The following RHBDD1 variants were observed in gnomAD, a reference collection of about 807,000 sequenced individuals.
RHBDD1 encodes rhomboid-related protein 4.
A neutral mutation model predicts 36.3 loss-of-function variants in RHBDD1; 38 were observed. The ratio of observed to expected loss-of-function variants is 1.05; its 90% CI spans 0.81 to 1.37. RHBDD1 has a LOEUF of 1.37. Ranked by LOEUF, RHBDD1 falls within the 40% of genes most tolerant of loss-of-function variation. The pLI, the probability that RHBDD1 is intolerant of heterozygous loss-of-function variation, is 0.00. For synonymous variants in RHBDD1, 151 were observed against 136.5 expected (o/e 1.11, Z -0.74); for missense variants, 393 against 377.6 (o/e 1.04, Z -0.34).
chr2:226,886,519 G>T (rs549754739), intron 5 of RHBDD1, among the ~76,000 whole-genome samples: 1 of 152,306 alleles, frequency 6.6e-6, no homozygotes, highest in Admixed American at 6.5e-5. Context: ...GACAGTGGAA[G>T]CTCCTCCTGC....
intron 5 of RHBDD1, among the ~76,000 whole-genome samples, chr2:226,891,788 T>G (rs1946709525): frequency 6.6e-6 from 1 of 152,170 alleles, no homozygotes; most frequent in African/African-American, 2.4e-5. Context: ...TCAGATAGCT[T>G]CTAATATTTT....
intron 5 of RHBDD1, among the ~76,000 whole-genome samples, chr2:226,878,659 C>T (rs572497884): frequency 2.8e-4 from 42 of 152,260 alleles, no homozygotes; most frequent in Non-Finnish European, 4.9e-4. Context: ...AAAGTTACCT[C>T]CAGTTTTCTC....
At chr2:226,818,148 CA>C in the RHBDD1 span, among the ~76,000 whole-genome samples, 2 of 141,230 alleles carry the variant, frequency 1.4e-5, no homozygotes, top group African/African-American at 5.3e-5. Context: ...GTGGTCCAAA[CA>C]GTATTTTTTT....
chr2:226,971,238 G>A (rs1308129669), intron 8 of RHBDD1, among the ~76,000 whole-genome samples: 1 of 152,186 alleles, frequency 6.6e-6, no homozygotes, highest in Non-Finnish European at 1.5e-5. Flanking sequence ...TGGCAGAACC[G>A]AGGCAGGTGC....
chr2:226,882,622 C>T (rs1166063539), intron 5 of RHBDD1, among the ~76,000 whole-genome samples: 3 of 151,810 alleles, frequency 2.0e-5, no homozygotes, highest in Non-Finnish European at 4.4e-5. Context: ...GCCCCCCGCC[C>T]CGAACCTCAC....
chr2:226,832,844 C>T (rs575140039), upstream of RHBDD1, among the ~76,000 whole-genome samples: 11 of 152,172 alleles, frequency 7.2e-5, no homozygotes, highest in Admixed American at 2.0e-4. Flanking sequence ...CCCATCTCTA[C>T]TAAAAAAATA....
chr2:226,832,012 T>C (rs924780589), upstream of RHBDD1, among the ~76,000 whole-genome samples: 4 of 152,040 alleles, frequency 2.6e-5, no homozygotes, highest in African/African-American at 9.7e-5. Flanking sequence ...CTATTTTTGT[T>C]ACTTATTTTA....
At chr2:226,846,482 G>A (rs767356914) in intron 3 of RHBDD1, among the ~76,000 whole-genome samples, 2 of 152,118 alleles carry the variant, frequency 1.3e-5, no homozygotes, top group Non-Finnish European at 2.9e-5. Context: ...AGTGTCTCAC[G>A]CCTGTAATCC....
chr2:226,835,968 G>C (rs975403342), upstream of RHBDD1: 2 of 152,608 alleles, frequency 1.3e-5, no homozygotes, highest in African/African-American at 4.8e-5. Flanking sequence ...CGAGCCGTCC[G>C]CTTTAAGGCC....
chr2:226,961,425 T>G (rs1374802962), intron 8 of RHBDD1, among the ~76,000 whole-genome samples: 1 of 152,190 alleles, frequency 6.6e-6, no homozygotes, highest in African/African-American at 2.4e-5. Context: ...TCTTTTTACT[T>G]CTATTTCAAT....
chr2:226,831,067 T>C (rs1394474057), upstream of RHBDD1, among the ~76,000 whole-genome samples: 1 of 152,250 alleles, frequency 6.6e-6, no homozygotes, highest in Non-Finnish European at 1.5e-5. Flanking sequence ...GGAATTTTTG[T>C]ACATTCACAA....
rs147678495 is a variant in RHBDD1 at position 226,848,400 on chromosome 2, C to T, written c.-91+8773C>T. 2.6e-5 allele frequency among the ~76,000 whole-genome samples: 4 copies of T among 152,296 alleles called. No homozygotes were observed. In the East Asian group the frequency reaches 5.8e-4, roughly 22 times the overall value. ...TATTCCTATGCCAAGATGATGTCCT[C>T]CCTAATTTTTTGATAGTCAAAGTGT... On this transcript the variant is annotated intron_variant, in intron 3 of 8. Transcript: ENST00000392062.
chr2:226,876,084 G>A (rs2125340468), intron 5 of RHBDD1, among the ~76,000 whole-genome samples: 1 of 152,304 alleles, frequency 6.6e-6, no homozygotes, highest in East Asian at 1.9e-4. Context: ...TTGGGAAGAG[G>A]CCAAACCATA....
chr2:226,904,687 A>T (rs1169844528), intron 5 of RHBDD1, among the ~76,000 whole-genome samples: 1 of 152,110 alleles, frequency 6.6e-6, no homozygotes, highest in Non-Finnish European at 1.5e-5. Context: ...TCCTCATTGC[A>T]TGTTCTTTTC....
intron 8 of RHBDD1, among the ~76,000 whole-genome samples, chr2:226,923,767 T>G (rs1949488320): frequency 6.6e-6 from 1 of 152,050 alleles, no homozygotes; most frequent in African/African-American, 2.4e-5. Flanking sequence ...TAATTCTTTC[T>G]TCTGCTTGGT....
At chr2:226,867,060 A>G in intron 4 of RHBDD1, 126 bp from the exon 5 acceptor site, 1 of 899,554 alleles carries the variant, frequency 1.1e-6, no homozygotes, top group Non-Finnish European at 1.7e-6. Context: ...GGAATAGGGT[A>G]TGTTTTAAAG....
intron 8 of RHBDD1, among the ~76,000 whole-genome samples, chr2:226,955,207 G>A (rs1951711041): frequency 6.6e-6 from 1 of 152,200 alleles, no homozygotes; most frequent in Admixed American, 6.5e-5. Flanking sequence ...TGTAGTGTCA[G>A]AAGGTGGGAG....
chr2:226,967,243 A>G (rs544217676), intron 8 of RHBDD1, among the ~76,000 whole-genome samples: 1 of 152,258 alleles, frequency 6.6e-6, no homozygotes, highest in African/African-American at 2.4e-5. Flanking sequence ...CTTGATGAAA[A>G]TCTTCCTAGC....
intron 8 of RHBDD1, among the ~76,000 whole-genome samples, chr2:226,934,558 G>T (rs1405771148): frequency 6.6e-6 from 1 of 152,108 alleles, no homozygotes; most frequent in Non-Finnish European, 1.5e-5. Context: ...AAGTCCTAAA[G>T]ATCATGCCAG....
Sources: gnomAD v4.1 joint callset for allele counts (sites outside exome capture counted in the v4.1 genomes callset) on GRCh38, gnomAD v4.1.1 for gene constraint, MANE v1.5 for transcripts, NCBI Gene and HGNC (gene_info 2026-07-23, HGNC 2026-07-21) for gene names.